RGS7: variants seen among roughly 807,000 people sequenced by gnomAD.
RGS7 encodes regulator of G-protein signaling 7.
Under a neutral mutation model 81.1 loss-of-function variants are expected in RGS7, and 27 were observed. The observed-to-expected ratio is 0.33, with a 90% CI of 0.25 to 0.46. RGS7 has a LOEUF of 0.46. Ranked by LOEUF, RGS7 falls within the 20% of genes least tolerant of loss-of-function variation. The pLI is 1.00. For missense variants in RGS7, 396 were observed against 607.4 expected (o/e 0.65, Z 3.66); for synonymous variants, 208 against 207.7 (o/e 1.00, Z -0.01).
intron 2 of RGS7, among the ~76,000 whole-genome samples, chr1:241,198,050 G>A (rs897975799): frequency 2.0e-4 from 31 of 151,588 alleles, no homozygotes; most frequent in Admixed American, 1.9e-3. Flanking sequence ...CCTAGAAATG[G>A]GTAAGAAAAA....
At chr1:240,850,447 T>G (rs1475569191) in intron 9 of RGS7, among the ~76,000 whole-genome samples, 1 of 152,202 alleles carries the variant, frequency 6.6e-6, no homozygotes, top group Non-Finnish European at 1.5e-5. Context: ...CAAACCTAAT[T>G]GATAAATATT....
At chr1:241,210,613 A>G (rs889993107) in intron 2 of RGS7, among the ~76,000 whole-genome samples, 3 of 152,218 alleles carry the variant, frequency 2.0e-5, no homozygotes, top group African/African-American at 7.2e-5. Context: ...GCTGCTTTGG[A>G]GTGTGGCCAT....
At chr1:240,956,654 G>A (rs1680482469) in intron 4 of RGS7, among the ~76,000 whole-genome samples, 1 of 151,986 alleles carries the variant, frequency 6.6e-6, no homozygotes, top group Admixed American at 6.6e-5. Context: ...TGTTTATAGT[G>A]TACACACTTA....
At chr1:241,066,941 T>C (rs1208942961) in intron 3 of RGS7, among the ~76,000 whole-genome samples, 1 of 152,120 alleles carries the variant, frequency 6.6e-6, no homozygotes, top group Non-Finnish European at 1.5e-5. Flanking sequence ...GGACAAGAAA[T>C]GTTTCCCTCT....
chr1:241,133,663 G>A (rs1247405674), intron 2 of RGS7, among the ~76,000 whole-genome samples: 2 of 151,904 alleles, frequency 1.3e-5, no homozygotes, highest in Non-Finnish European at 2.9e-5. Flanking sequence ...TTTCCCTTAG[G>A]GTTTCTACTG....
chr1:240,971,852 A>G (rs958396781), intron 4 of RGS7, among the ~76,000 whole-genome samples: 1 of 152,196 alleles, frequency 6.6e-6, no homozygotes, highest in South Asian at 2.1e-4. Flanking sequence ...CAGCTTGCTC[A>G]GTGGACAATA....
chr1:240,952,106 T>C (rs1679661317), intron 4 of RGS7, among the ~76,000 whole-genome samples: 1 of 152,084 alleles, frequency 6.6e-6, no homozygotes, highest in Non-Finnish European at 1.5e-5. Flanking sequence ...ACATTACTAG[T>C]GGGCTTGCCT....
intron 2 of RGS7, among the ~76,000 whole-genome samples, chr1:241,195,714 A>G (rs2073018460): frequency 6.6e-6 from 1 of 152,242 alleles, no homozygotes; most frequent in Admixed American, 6.5e-5. Flanking sequence ...AACTTTACAG[A>G]TAGATGTAAC....
chr1:240,948,016 A>T (rs1572911062), intron 4 of RGS7, among the ~76,000 whole-genome samples: 1 of 152,096 alleles, frequency 6.6e-6, no homozygotes, highest in Non-Finnish European at 1.5e-5. Context: ...AGAGCAGAAC[A>T]CCCCACTTCC....
intron 3 of RGS7, among the ~76,000 whole-genome samples, chr1:241,093,901 T>A (rs1354772649): frequency 6.6e-6 from 1 of 152,124 alleles, no homozygotes; most frequent in Non-Finnish European, 1.5e-5. Context: ...CTCCTAGGTA[T>A]AATTAGAAGA....
At chr1:241,237,012 C>A (rs1174216505) in intron 2 of RGS7, among the ~76,000 whole-genome samples, 3 of 152,160 alleles carry the variant, frequency 2.0e-5, no homozygotes, top group Non-Finnish European at 2.9e-5. Flanking sequence ...ACAGCGAGCC[C>A]TTGTTAATGG....
intron 2 of RGS7, among the ~76,000 whole-genome samples, chr1:241,257,167 T>C (rs551376433): frequency 2.3e-4 from 35 of 152,214 alleles, no homozygotes; most frequent in African/African-American, 7.9e-4. Context: ...TTATTTCTCA[T>C]AGTCCTGGAT....
At chr1:240,823,046 G>A (rs1452487822) in intron 10 of RGS7, 4 of 661,874 alleles carry the variant, frequency 6.0e-6, no homozygotes, top group Non-Finnish European at 1.1e-5. Flanking sequence ...GGTAAATCTA[G>A]TCGTTTCTTA....
chr1:241,229,462 G>T (rs750967781), intron 2 of RGS7, among the ~76,000 whole-genome samples: 181 of 152,202 alleles, frequency 1.2e-3, no homozygotes, highest in Non-Finnish European at 2.3e-3. Flanking sequence ...CCCTCATTTA[G>T]AGGGTAGACT....
rs1436394895 is a variant in RGS7 at position 241,314,538 on chromosome 1, G to A, written c.78+41161C>T. Among the ~76,000 whole-genome samples the A allele has an allele frequency of 5.9e-5, 9 of 152,172 alleles. No homozygotes were observed. The East Asian group carries it at 1.7e-3, about 29-fold the overall frequency. ...ACTCAGAAACCAAAGAATTTGTGTG[G>A]CTCGCTTTATTGTCATATTCATTTA... On this transcript the variant is annotated intron_variant, in intron 2 of 18. Coordinates refer to ENST00000440928, the MANE Select transcript of RGS7 (RefSeq NM_001364886.1).
At chr1:241,235,962 G>GTAAGGAC (rs2075952050) in intron 2 of RGS7, among the ~76,000 whole-genome samples, 2 of 118,060 alleles carry the variant, frequency 1.7e-5, no homozygotes, top group Non-Finnish European at 3.9e-5. Flanking sequence ...GGAGAGGAGA[G>GTAAGGAC]AGTAAGAGTT....
chr1:240,947,139 C>A (rs569506834), intron 4 of RGS7, among the ~76,000 whole-genome samples: 1 of 152,244 alleles, frequency 6.6e-6, no homozygotes, highest in Non-Finnish European at 1.5e-5. Context: ...AAGAGTACTG[C>A]ATTATATGGG....
At chr1:240,796,012 C>T (rs917896109) in intron 18 of RGS7, among the ~76,000 whole-genome samples, 1 of 152,080 alleles carries the variant, frequency 6.6e-6, no homozygotes, top group Non-Finnish European at 1.5e-5. Context: ...TTCTTGAACT[C>T]TTGGCCTAGA....
At chr1:241,328,652 C>A in intron 2 of RGS7, among the ~76,000 whole-genome samples, 1 of 152,214 alleles carries the variant, frequency 6.6e-6, no homozygotes, top group East Asian at 1.9e-4. Flanking sequence ...GTTTTGGTGA[C>A]TGACAGCTAG....
Sources: allele counts gnomAD v4.1 joint callset (sites outside exome capture counted in the v4.1 genomes callset), GRCh38; gene constraint gnomAD v4.1.1; transcripts MANE v1.5; gene names NCBI Gene and HGNC (gene_info 2026-07-23, HGNC 2026-07-21).